CTNNA2: variants seen among roughly 807,000 people sequenced by gnomAD.
CTNNA2 encodes the protein catenin alpha-2.
In CTNNA2, 42 loss-of-function variants were observed where a neutral mutation model predicts 101.0. That is an observed-to-expected ratio of 0.42 (90% confidence interval 0.32 to 0.54). The LOEUF is 0.54. CTNNA2 is among the 20% of genes least tolerant of loss of function. CTNNA2 has a pLI of 0.14. For synonymous variants in CTNNA2, 450 were observed against 456.4 expected, an observed-to-expected ratio of 0.99 and a Z score of 0.18; for missense variants, 871 against 1,223.1, an observed-to-expected ratio of 0.71 and a Z score of 4.29.
At chr2:80,271,972 G>A (rs1010262572) in intron 7 of CTNNA2, among the ~76,000 whole-genome samples, 1 of 152,176 alleles carries the variant, frequency 6.6e-6, no homozygotes, top group Non-Finnish European at 1.5e-5. Context: ...GTAGGTGGAA[G>A]GCCACCCCGG....
intron 3 of CTNNA2, among the ~76,000 whole-genome samples, chr2:79,850,923 C>T (rs1474670412): frequency 6.6e-6 from 1 of 152,124 alleles, no homozygotes; most frequent in East Asian, 1.9e-4. Flanking sequence ...TAATGAGATC[C>T]TAAAGTGGAA....
intron 2 of CTNNA2, among the ~76,000 whole-genome samples, chr2:79,203,715 G>A (rs11680157): frequency 1.3e-5 from 2 of 152,162 alleles, no homozygotes; most frequent in South Asian, 2.1e-4. Flanking sequence ...CTTCAGGGCC[G>A]CCTTTTCTTT....
intron 7 of CTNNA2, among the ~76,000 whole-genome samples, chr2:80,096,531 G>A (rs1339295624): frequency 6.6e-6 from 1 of 152,170 alleles, no homozygotes; most frequent in East Asian, 1.9e-4. Context: ...TCCACTTGGT[G>A]CAGAGCTGAG....
intron 9 of CTNNA2, among the ~76,000 whole-genome samples, chr2:80,467,378 T>A (rs1375130614): frequency 6.6e-6 from 1 of 152,240 alleles, no homozygotes; most frequent in African/African-American, 2.4e-5. Flanking sequence ...TGGCTTTCAA[T>A]AATGTACCAG....
At chr2:80,383,336 G>A (rs906587791) in intron 7 of CTNNA2, among the ~76,000 whole-genome samples, 1 of 152,066 alleles carries the variant, frequency 6.6e-6, no homozygotes, top group African/African-American at 2.4e-5. Flanking sequence ...CTATCCCCAG[G>A]TGCCTACTTG....
At chr2:80,545,456 G>T (rs952699771) in intron 10 of CTNNA2, among the ~76,000 whole-genome samples, 2 of 152,156 alleles carry the variant, frequency 1.3e-5, no homozygotes, top group Non-Finnish European at 2.9e-5. Flanking sequence ...TGAGGTGAGA[G>T]GATTGCTGGG....
chr2:79,850,302 C>CT (rs1553382253), intron 3 of CTNNA2, among the ~76,000 whole-genome samples: 1 of 59,564 alleles, frequency 1.7e-5, no homozygotes, highest in Non-Finnish European at 3.0e-5. Flanking sequence ...CTCCCTCCCC[C>CT]CTCCCTTCCT....
chr2:80,049,348 C>A (rs1467013757), intron 7 of CTNNA2, among the ~76,000 whole-genome samples: 1 of 152,144 alleles, frequency 6.6e-6, no homozygotes, highest in Non-Finnish European at 1.5e-5. Flanking sequence ...GACGGCAGAA[C>A]AACAGTCCCC....
At chr2:80,522,244 C>T (rs115129733) in intron 9 of CTNNA2, among the ~76,000 whole-genome samples, 2,160 of 152,242 alleles carry the variant, frequency 0.014, 23 homozygotes, top group Admixed American at 0.023. Context: ...TAGTGTGAGC[C>T]TCAGCTGTTC....
At chr2:79,376,736 T>A (rs2104459478) in intron 4 of CTNNA2, among the ~76,000 whole-genome samples, 1 of 152,200 alleles carries the variant, frequency 6.6e-6, no homozygotes, top group South Asian at 2.1e-4. Flanking sequence ...ACATGCGGTG[T>A]TTGGTTTTTT....
At chr2:79,264,307 C>A (rs934511) in intron 2 of CTNNA2, among the ~76,000 whole-genome samples, 91,679 of 151,966 alleles carry the variant, frequency 0.6, 27,850 homozygotes, top group African/African-American at 0.62. Flanking sequence ...AGAGATGATG[C>A]TTTAAGCCAT....
intron 3 of CTNNA2, among the ~76,000 whole-genome samples, chr2:79,317,195 T>C (rs1024157594): frequency 5.3e-5 from 8 of 152,064 alleles, no homozygotes; most frequent in African/African-American, 1.9e-4. Flanking sequence ...GTTCTACTGA[T>C]GTGGTGCATT....
At chr2:79,557,215 A>G (rs1674500982) in intron 1 of CTNNA2, among the ~76,000 whole-genome samples, 1 of 152,022 alleles carries the variant, frequency 6.6e-6, no homozygotes, top group South Asian at 2.1e-4. Flanking sequence ...AGTTATCTTT[A>G]TTTCATAACC....
intron 18 of CTNNA2, among the ~76,000 whole-genome samples, chr2:80,627,581 A>G (rs779412636): frequency 9.2e-5 from 14 of 151,680 alleles, no homozygotes; most frequent in Non-Finnish European, 1.5e-4. Flanking sequence ...TTGTAAATTT[A>G]AGTTCTTTGT....
intron 7 of CTNNA2, among the ~76,000 whole-genome samples, chr2:80,367,560 C>A (rs984366826): frequency 6.6e-6 from 1 of 151,450 alleles, no homozygotes; most frequent in Middle Eastern, 3.2e-3. Flanking sequence ...CAGCAGCTAC[C>A]CTATGACCAA....
chr2:80,193,596 G>C (rs1173174300), intron 7 of CTNNA2, among the ~76,000 whole-genome samples: 1 of 152,146 alleles, frequency 6.6e-6, no homozygotes, highest in East Asian at 1.9e-4. Context: ...TAAATCCCAG[G>C]CCAGCATCTC....
chr2:80,431,168 T>A lies in CTNNA2; in HGVS notation c.1290+11567T>A, dbSNP rs192178212. Among the ~76,000 whole-genome samples the A allele has an allele frequency of 2.0e-5, 3 of 152,316 alleles. No homozygotes were observed. In the East Asian group the frequency reaches 5.8e-4, roughly 29 times the overall value. On this transcript the variant is annotated intron_variant, in intron 9 of 18. Transcript: ENST00000402739. ...GAGGGATTGTGTATTGGGACATTGC[T>A]TTTTAGAACCAAAAATGAGTTTTCA...
chr2:79,776,738 T>C (rs1435343178), intron 3 of CTNNA2, among the ~76,000 whole-genome samples: 1 of 152,242 alleles, frequency 6.6e-6, no homozygotes. Context: ...GCTGTTCTTA[T>C]ATTCCACAGA....
At chr2:79,260,364 C>T (rs1674904581) in intron 2 of CTNNA2, among the ~76,000 whole-genome samples, 2 of 152,140 alleles carry the variant, frequency 1.3e-5, no homozygotes, top group Non-Finnish European at 1.5e-5. Context: ...GTGCTGTAAT[C>T]AAGCAAAACA....
Sources: gnomAD v4.1 joint callset for allele counts (sites outside exome capture counted in the v4.1 genomes callset) on GRCh38, gnomAD v4.1.1 for gene constraint, MANE v1.5 for transcripts, NCBI Gene and HGNC (gene_info 2026-07-23, HGNC 2026-07-21) for gene names.